XIRP2: variants seen among roughly 807,000 people sequenced by gnomAD.
XIRP2 encodes xin actin-binding repeat-containing protein 2.
Under a neutral mutation model 277.0 loss-of-function variants are expected in XIRP2, and 236 were observed. The ratio of observed to expected loss-of-function variants is 0.85; its 90% confidence interval spans 0.77 to 0.95. XIRP2 has a LOEUF of 0.95. XIRP2 is among the 40% of genes least tolerant of loss of function. The pLI is 0.00. For missense variants in XIRP2, 4,640 were observed against 4,157.5 expected (o/e 1.12, Z -3.19); for synonymous variants, 1,490 against 1,416.5 (o/e 1.05, Z -1.17).
In XIRP2 at chr2:167,259,455, G is replaced by A; in HGVS notation, c.*1638G>A. The A allele has an allele frequency of 7.9e-7, 1 of 1,271,838 alleles. No individual in the cohort carries two copies. 78.8% of individuals were successfully genotyped at this position (1,271,838 alleles called of 1,614,324 possible). On this transcript the variant is annotated 3_prime_UTR_variant, in exon 11 of 11. Transcript: ENST00000409195. ...TTATGAATTTGGATACCCTTTTGAG[G>A]AACTTGATGTAAACATGGTGTTCAG...
intron 2 of XIRP2, among the ~76,000 whole-genome samples, chr2:166,987,800 G>A (rs981950413): frequency 6.6e-6 from 1 of 152,080 alleles, no homozygotes; most frequent in African/African-American, 2.4e-5. Context: ...TCTAGTATGG[G>A]ACAATTTAAA....
At chr2:167,172,013 A>G (rs891856184) in intron 3 of XIRP2, among the ~76,000 whole-genome samples, 2 of 152,220 alleles carry the variant, frequency 1.3e-5, no homozygotes, top group African/African-American at 4.8e-5. Flanking sequence ...TAGTAATCAC[A>G]TCATGGAAAA....
At chr2:167,096,997 G>A (rs1422353383) in intron 2 of XIRP2, among the ~76,000 whole-genome samples, 5 of 152,134 alleles carry the variant, frequency 3.3e-5, no homozygotes, top group Non-Finnish European at 7.3e-5. Context: ...AGTGTGATGT[G>A]GTGCCAAGAA....
chr2:166,943,573 A>G (rs1011024513), intron 2 of XIRP2, among the ~76,000 whole-genome samples: 6 of 152,228 alleles, frequency 3.9e-5, no homozygotes, highest in African/African-American at 1.4e-4. Context: ...ATGTTAGTGT[A>G]CATGGAATTC....
At chr2:167,059,490 T>TAAAATAAAATAAAATAAAAC (rs536344962) in intron 2 of XIRP2, among the ~76,000 whole-genome samples, 19 of 151,586 alleles carry the variant, frequency 1.3e-4, no homozygotes, top group African/African-American at 4.6e-4. Flanking sequence ...TAAAATAAAA[T>TAAAATAAAATAAAATAAAAC]AAAACCTGTT....
At chr2:167,025,855 G>A (rs1688137618) in intron 2 of XIRP2, among the ~76,000 whole-genome samples, 1 of 151,954 alleles carries the variant, frequency 6.6e-6, no homozygotes, top group Admixed American at 6.6e-5. Flanking sequence ...TACATTTGCT[G>A]AGGAGAGCTT....
chr2:166,928,023 T>C (rs1469907674), intron 2 of XIRP2, among the ~76,000 whole-genome samples: 1 of 152,000 alleles, frequency 6.6e-6, no homozygotes, highest in Non-Finnish European at 1.5e-5. Flanking sequence ...AATATGTAAA[T>C]TTTTTTTCTC....
chr2:167,126,318 C>G (rs1034589133), intron 2 of XIRP2, among the ~76,000 whole-genome samples: 2 of 152,064 alleles, frequency 1.3e-5, no homozygotes, highest in African/African-American at 4.8e-5. Context: ...ACCTGCCATG[C>G]CAGTGAAGGG....
chr2:167,192,947 G>A (rs1241972924), intron 3 of XIRP2, among the ~76,000 whole-genome samples: 1 of 152,078 alleles, frequency 6.6e-6, no homozygotes, highest in African/African-American at 2.4e-5. Flanking sequence ...TCTGAGTCCT[G>A]GAGGACTCAA....
intron 2 of XIRP2, among the ~76,000 whole-genome samples, chr2:167,033,059 G>C (rs898981478): frequency 6.6e-6 from 1 of 152,122 alleles, no homozygotes; most frequent in Non-Finnish European, 1.5e-5. Flanking sequence ...GCCCATTAAT[G>C]TTAGACTGGA....
intron 2 of XIRP2, among the ~76,000 whole-genome samples, chr2:167,051,097 T>C (rs542892274): frequency 4.6e-5 from 7 of 152,200 alleles, no homozygotes; most frequent in African/African-American, 1.7e-4. Context: ...ATACTGTTCA[T>C]TTCCCTTCAT....
intron 2 of XIRP2, among the ~76,000 whole-genome samples, chr2:166,987,288 T>G (rs1002224160): frequency 1.3e-5 from 2 of 152,120 alleles, no homozygotes; most frequent in Non-Finnish European, 2.9e-5. Context: ...TGGGACTAGA[T>G]ATAGAGTAAA....
intron 3 of XIRP2, among the ~76,000 whole-genome samples, chr2:167,209,975 A>C (rs79693135): frequency 0.027 from 4,098 of 152,146 alleles, 187 homozygotes; most frequent in African/African-American, 0.094. Flanking sequence ...ATCAGTCTTT[A>C]ACACTACTTC....
chr2:167,208,556 T>C (rs886734505), intron 3 of XIRP2, among the ~76,000 whole-genome samples: 5 of 152,060 alleles, frequency 3.3e-5, no homozygotes, highest in Non-Finnish European at 5.9e-5. Context: ...GATCTGCCCG[T>C]CTCGGCCTCC....
chr2:167,039,722 C>A (rs577606077), intron 2 of XIRP2, among the ~76,000 whole-genome samples: 274 of 152,238 alleles, frequency 1.8e-3, no homozygotes, highest in Non-Finnish European at 3.0e-3. Context: ...GTGCCCTTTT[C>A]CTCTGTTGGT....
intron 2 of XIRP2, among the ~76,000 whole-genome samples, chr2:166,994,454 G>A (rs1226240666): frequency 7.9e-6 from 1 of 126,102 alleles, no homozygotes; most frequent in Non-Finnish European, 1.6e-5. Flanking sequence ...ATGTGCACAT[G>A]TACCCTAAAA....
intron 3 of XIRP2, among the ~76,000 whole-genome samples, chr2:167,190,529 G>A (rs1004522193): frequency 6.6e-6 from 1 of 152,054 alleles, no homozygotes; most frequent in Non-Finnish European, 1.5e-5. Context: ...CCACAATATG[G>A]TCTTCTCCTT....
At chr2:167,129,752 C>T (rs1691320203) in intron 2 of XIRP2, among the ~76,000 whole-genome samples, 1 of 151,606 alleles carries the variant, frequency 6.6e-6, no homozygotes, top group Admixed American at 6.6e-5. Flanking sequence ...TGCCTGTAAT[C>T]CCAGCTACTC....
intron 2 of XIRP2, among the ~76,000 whole-genome samples, chr2:166,926,662 T>G (rs1163727235): frequency 6.6e-6 from 1 of 152,128 alleles, no homozygotes; most frequent in Non-Finnish European, 1.5e-5. Flanking sequence ...TCACTTTCTG[T>G]TCATGCTTGG....
Sources: gnomAD v4.1 joint callset for allele counts (sites outside exome capture counted in the v4.1 genomes callset) on GRCh38, gnomAD v4.1.1 for gene constraint, MANE v1.5 for transcripts, NCBI Gene and HGNC (gene_info 2026-07-23, HGNC 2026-07-21) for gene names.